FSTL4: variants seen among roughly 807,000 people sequenced by gnomAD.
FSTL4 encodes follistatin like 4.
FSTL4 carries 28 observed loss-of-function variants against 78.2 expected under a neutral mutation model. The observed-to-expected ratio is 0.36, with a 90% CI of 0.27 to 0.49. FSTL4 has a LOEUF of 0.49. Among genes scored for constraint, FSTL4 ranks in the 20% least tolerant of loss-of-function variants. The pLI is 0.98. For missense variants in FSTL4, 922 were observed against 1,084.9 expected, an observed-to-expected ratio of 0.85 and a Z score of 2.11; for synonymous variants, 422 against 440.5, an observed-to-expected ratio of 0.96 and a Z score of 0.53.
chr5:133,262,118 G>C (rs1473830637), intron 6 of FSTL4, among the ~76,000 whole-genome samples: 1 of 152,116 alleles, frequency 6.6e-6, no homozygotes, highest in Non-Finnish European at 1.5e-5. Context: ...AATAAACTGC[G>C]CTCTACCTGC....
At chr5:133,803,985 G>A in the FSTL4 span, among the ~76,000 whole-genome samples, 1 of 152,252 alleles carries the variant, frequency 6.6e-6, no homozygotes, top group Non-Finnish European at 1.5e-5. Flanking sequence ...TTTCCTCTGC[G>A]AATCTCCTGC....
intron 3 of FSTL4, among the ~76,000 whole-genome samples, chr5:133,556,186 G>A (rs1468559534): frequency 6.6e-6 from 1 of 152,172 alleles, no homozygotes; most frequent in East Asian, 1.9e-4. Context: ...GTATCTTCCT[G>A]AATGACCTCA....
chr5:133,727,691 C>T, the FSTL4 span, among the ~76,000 whole-genome samples: 23 of 152,326 alleles, frequency 1.5e-4, no homozygotes, highest in African/African-American at 5.3e-4. Context: ...TTGCTCACAT[C>T]TGAATCCTGG....
chr5:133,480,340 A>G (rs1461501468), intron 3 of FSTL4, among the ~76,000 whole-genome samples: 1 of 152,240 alleles, frequency 6.6e-6, no homozygotes, highest in African/African-American at 2.4e-5. Context: ...AATAAGCCAT[A>G]TGTAAATATT....
chr5:133,453,993 T>A (rs1246158748), intron 3 of FSTL4, among the ~76,000 whole-genome samples: 1 of 152,186 alleles, frequency 6.6e-6, no homozygotes, highest in African/African-American at 2.4e-5. Context: ...AATATAAATA[T>A]CACATTTCCT....
At chr5:133,502,019 G>T (rs564399216) in intron 3 of FSTL4, among the ~76,000 whole-genome samples, 1 of 152,298 alleles carries the variant, frequency 6.6e-6, no homozygotes, top group East Asian at 1.9e-4. Context: ...GACACCTGGG[G>T]CTTCCAGAAG....
intron 3 of FSTL4, among the ~76,000 whole-genome samples, chr5:133,496,221 A>T (rs996160334): frequency 4.6e-5 from 7 of 152,242 alleles, no homozygotes; most frequent in Non-Finnish European, 8.8e-5. Context: ...AAAATAAAGC[A>T]GGGAGATGTA....
the FSTL4 span, among the ~76,000 whole-genome samples, chr5:133,699,609 C>T: frequency 8.3e-4 from 126 of 152,244 alleles, no homozygotes; most frequent in African/African-American, 2.6e-3. Flanking sequence ...TGGCCGGGCG[C>T]GGTGGCTCAC....
At chr5:133,757,664 G>C in the FSTL4 span, among the ~76,000 whole-genome samples, 5 of 152,188 alleles carry the variant, frequency 3.3e-5, no homozygotes, top group Non-Finnish European at 7.3e-5. Flanking sequence ...ACTTCTCTCA[G>C]AGGAGTGAGT....
At chr5:133,752,698 T>C in the FSTL4 span, among the ~76,000 whole-genome samples, 4 of 152,188 alleles carry the variant, frequency 2.6e-5, no homozygotes, top group Non-Finnish European at 5.9e-5. Context: ...AGATGTGGAA[T>C]TCTGAAAGTC....
chr5:133,797,170 C>T, the FSTL4 span, among the ~76,000 whole-genome samples: 2 of 152,192 alleles, frequency 1.3e-5, no homozygotes, highest in Non-Finnish European at 2.9e-5. Context: ...TGGTTTTATA[C>T]ATTTTAGGGA....
chr5:133,309,048 GA>G, intron 6 of FSTL4, among the ~76,000 whole-genome samples: 1 of 152,326 alleles, frequency 6.6e-6, no homozygotes, highest in African/African-American at 2.4e-5. Flanking sequence ...GTTTTCCCCT[GA>G]TCCCAACCTG....
the FSTL4 span, among the ~76,000 whole-genome samples, chr5:133,799,006 G>GCAATGT: frequency 1.2e-5 from 1 of 86,326 alleles, no homozygotes; most frequent in Non-Finnish European, 2.8e-5. Context: ...GGGAGAGAGA[G>GCAATGT]GGGAAGGGAA....
the FSTL4 span, among the ~76,000 whole-genome samples, chr5:133,820,166 C>T: frequency 6.6e-6 from 1 of 152,216 alleles, no homozygotes; most frequent in Non-Finnish European, 1.5e-5. Flanking sequence ...CCCATGCCTC[C>T]TCCCCCAGAA....
At chr5:133,836,202 C>A in the FSTL4 span, among the ~76,000 whole-genome samples, 2 of 152,096 alleles carry the variant, frequency 1.3e-5, no homozygotes, top group South Asian at 4.2e-4. Context: ...AGTTTATAAT[C>A]TTACTGTTTA....
At chr5:133,501,638 C>G in intron 3 of FSTL4, among the ~76,000 whole-genome samples, 1 of 152,134 alleles carries the variant, frequency 6.6e-6, no homozygotes, top group East Asian at 1.9e-4. Context: ...CTAAAAATGC[C>G]TCCTCACCAC....
At chr5:133,823,551 C>T in the FSTL4 span, among the ~76,000 whole-genome samples, 1 of 152,190 alleles carries the variant, frequency 6.6e-6, no homozygotes, top group African/African-American at 2.4e-5. Flanking sequence ...CTCAAACACC[C>T]AGCAGGTCTG....
intron 4 of FSTL4, among the ~76,000 whole-genome samples, chr5:133,391,974 T>A (rs1234231998): frequency 1.3e-5 from 2 of 152,198 alleles, no homozygotes; most frequent in African/African-American, 4.8e-5. Context: ...CCCTGCTGTG[T>A]CCCCACATCT....
chr5:133,817,490 A>T, the FSTL4 span, among the ~76,000 whole-genome samples: 2 of 152,234 alleles, frequency 1.3e-5, no homozygotes, highest in African/African-American at 2.4e-5. Flanking sequence ...TATCTCCCCA[A>T]GGGCTGGGAG....
Sources: gnomAD v4.1 joint callset for allele counts (sites outside exome capture counted in the v4.1 genomes callset) on GRCh38, gnomAD v4.1.1 for gene constraint, MANE v1.5 for transcripts, NCBI Gene and HGNC (gene_info 2026-07-23, HGNC 2026-07-21) for gene names.